The following TRMT1L variants were observed in gnomAD, a reference collection of about 807,000 sequenced individuals.
TRMT1L encodes tRNA methyltransferase 1L.
TRMT1L carries 28 observed loss-of-function variants against 81.6 expected under a neutral mutation model. The observed-to-expected ratio is 0.34, with a 90% CI of 0.25 to 0.47. The LOEUF is 0.47. Ranked by LOEUF, TRMT1L falls within the 20% of genes least tolerant of loss-of-function variation. The probability of loss-of-function intolerance (pLI) is 1.00; values close to 1 mark genes in which losing one functional copy is unlikely to be tolerated. For missense variants in TRMT1L, 739 were observed against 877.1 expected, an observed-to-expected ratio of 0.84 and a Z score of 1.99; for synonymous variants, 301 against 303.2, an observed-to-expected ratio of 0.99 and a Z score of 0.07.
intron 3 of TRMT1L, among the ~76,000 whole-genome samples, chr1:185,149,781 T>C (rs1160310711): frequency 2.0e-5 from 3 of 152,196 alleles, no homozygotes; most frequent in African/African-American, 7.2e-5. Flanking sequence ...AAGTTCTTGT[T>C]TTCTGTCCTT....
intron 3 of TRMT1L, among the ~76,000 whole-genome samples, chr1:185,148,641 T>A (rs535468664): frequency 6.6e-6 from 1 of 152,232 alleles, no homozygotes; most frequent in African/African-American, 2.4e-5. Context: ...GAAAAGAGAA[T>A]AACTTGGAGG....
intron 12 of TRMT1L, 22 bp downstream of exon 12, chr1:185,124,922 A>G: frequency 6.3e-7 from 1 of 1,597,046 alleles, no homozygotes; most frequent in South Asian, 1.1e-5. Context: ...TAAAGCTAGT[A>G]AGCTAGCGTT....
In TRMT1L at chr1:185,119,722, A is replaced by T. The variant is rs1234355263; in HGVS notation, c.*297T>A. The stretch of plus-strand genomic sequence containing the variant: ...GCTTTCATAACATACATAAAATTCC[A>T]AACACTTTGCATGTGAAAATTTTCT... On this transcript the variant is annotated 3_prime_UTR_variant, in exon 15 of 15. Coordinates refer to ENST00000367506, the MANE Select transcript of TRMT1L (RefSeq NM_030934.5). 4.2e-6 allele frequency: 1 copy of T among 237,702 alleles called. No individual in the cohort carries two copies. Among genetic ancestry groups the T allele is most frequent in the Non-Finnish European group, 8.1e-6 (1 of 123,154 alleles). The allele number at this position is 237,702 out of a possible 1,614,324, so 14.7% of individuals were successfully genotyped here. A position where few individuals can be genotyped will look rare whatever the true frequency, so the allele number is the denominator to read the frequency against.
intron 4 of TRMT1L, among the ~76,000 whole-genome samples, chr1:185,146,811 C>T (rs1287295252): frequency 6.6e-6 from 1 of 151,964 alleles, no homozygotes; most frequent in Admixed American, 6.6e-5. Flanking sequence ...TGAATTAAAT[C>T]AAAACATACT....
intron 3 of TRMT1L, 70 bp from the exon 4 acceptor site, chr1:185,147,316 GTTTTA>G (rs538236980): frequency 1.5e-4 from 182 of 1,188,394 alleles, no homozygotes; most frequent in Non-Finnish European, 2.1e-4. Context: ...TTATAAGCAA[GTTTTA>G]TTTTATAAGA....
At chr1:185,147,744 G>A (rs1366043312) in intron 3 of TRMT1L, among the ~76,000 whole-genome samples, 8 of 152,056 alleles carry the variant, frequency 5.3e-5, no homozygotes, top group Admixed American at 5.2e-4. Flanking sequence ...CCATAGGCTT[G>A]GGTGGCTAAG....
chr1:185,134,836 A>C (rs890861247), intron 10 of TRMT1L, among the ~76,000 whole-genome samples: 1 of 152,246 alleles, frequency 6.6e-6, no homozygotes, highest in Non-Finnish European at 1.5e-5. Context: ...CTGAGAGTTA[A>C]ATTTAACCAA....
chr1:185,139,360 T>C lies in TRMT1L; in HGVS notation c.1322+7A>G, dbSNP rs765863460. ...ACACACTAAGTACACTGTTGGCAAT[T>C]TGGTACCTTGCCACTGCAGCTACAA... is the stretch of plus-strand genomic sequence containing the variant. On this transcript the variant is annotated splice_region_variant and intron_variant, in intron 9 of 14. Coordinates refer to ENST00000367506, the MANE Select transcript of TRMT1L (RefSeq NM_030934.5). 9.9e-6 allele frequency: 16 copies of C among 1,609,880 alleles called. No individual in the cohort carries two copies. Among genetic ancestry groups the C allele is most frequent in the Non-Finnish European group, 1.4e-5 (16 of 1,176,904 alleles).
intron 13 of TRMT1L, among the ~76,000 whole-genome samples, chr1:185,121,756 T>G (rs1652504755): frequency 6.6e-6 from 1 of 152,140 alleles, no homozygotes; most frequent in African/African-American, 2.4e-5. Flanking sequence ...TTTTTTTTTT[T>G]GGCCTGGTAA....
intron 3 of TRMT1L, among the ~76,000 whole-genome samples, chr1:185,149,025 CTTTT>C (rs1653261481): frequency 6.6e-6 from 1 of 152,106 alleles, no homozygotes; most frequent in African/African-American, 2.4e-5. Context: ...ACTTAGGTTT[CTTTT>C]GAGGGTGGGA....
intron 3 of TRMT1L, among the ~76,000 whole-genome samples, chr1:185,148,376 C>T (rs936869985): frequency 5.9e-5 from 9 of 152,202 alleles, no homozygotes; most frequent in African/African-American, 1.7e-4. Flanking sequence ...AACTCCATTT[C>T]TCTACTTGCT....
At chr1:185,151,417 T>C (rs534177505) in intron 2 of TRMT1L, among the ~76,000 whole-genome samples, 10 of 151,880 alleles carry the variant, frequency 6.6e-5, no homozygotes, top group Non-Finnish European at 8.8e-5. Context: ...CTAAGGAGAG[T>C]AGAGCAGAAA....
At chr1:185,141,564 C>T (rs552448027) in intron 7 of TRMT1L, among the ~76,000 whole-genome samples, 1 of 152,116 alleles carries the variant, frequency 6.6e-6, no homozygotes, top group South Asian at 2.1e-4. Flanking sequence ...ATCAGCCAGG[C>T]GTGGTGGTAG....
At position 185,119,791 on chromosome 1, in the gene TRMT1L, T is replaced by C; in HGVS notation, c.*228A>G. 2.3e-6 allele frequency: 1 copy of C among 442,222 alleles called. No individual in the cohort carries two copies. The highest frequency in any genetic ancestry group is 3.5e-5 in the East Asian group (1 of 28,840). 27.4% of individuals were successfully genotyped at this position (442,222 alleles called of 1,614,324 possible). A position where few individuals can be genotyped will look rare whatever the true frequency, so the allele number is the denominator to read the frequency against. ...GTGATCTCAGTGAGACTTGGCTTCA[T>C]ATGAAATGTTTCCATTAAAATTTTA... On this transcript the variant is annotated 3_prime_UTR_variant, in exon 15 of 15. Transcript: ENST00000367506.
Position 185,151,825 on chromosome 1 carries a change from C to A in TRMT1L, c.346G>T (p.Gly116Cys). ...AAAAAAAACCCAAACATGGAAATAC[C>A]TGCATCAAGATTATCTGAGTTCAAT... is the stretch of plus-strand genomic sequence containing the variant. ...SSLNSDNLDA[G>C]NRQACPLCPK... Residue 116 changes from glycine to cysteine, a missense_variant and splice_region_variant, in exon 2 of 15, where the codon GGC becomes TGC. This residue lies in a region of TRMT1L where 209 missense variants were observed against 165.4 expected (regional missense o/e 1.26). Coordinates refer to ENST00000367506, the MANE Select transcript of TRMT1L (RefSeq NM_030934.5). 6.5e-7 allele frequency: 1 copy of A among 1,548,362 alleles called. No individual in the cohort carries two copies. The highest frequency in any genetic ancestry group is 8.7e-7 in the Non-Finnish European group (1 of 1,153,458).
At chr1:185,127,831 T>C (rs998443550) in intron 11 of TRMT1L, among the ~76,000 whole-genome samples, 10 of 151,540 alleles carry the variant, frequency 6.6e-5, no homozygotes, top group Admixed American at 3.9e-4. Context: ...TAAAATAATT[T>C]GGCCAGGCGC....
At chr1:185,148,310 C>T (rs773532095) in intron 3 of TRMT1L, among the ~76,000 whole-genome samples, 8 of 152,100 alleles carry the variant, frequency 5.3e-5, no homozygotes, top group Non-Finnish European at 1.2e-4. Flanking sequence ...TTTCTGGTTC[C>T]GGCCTTCTTT....
At chr1:185,140,458 A>G (rs1335257279) in intron 7 of TRMT1L, among the ~76,000 whole-genome samples, 2 of 152,000 alleles carry the variant, frequency 1.3e-5, no homozygotes, top group African/African-American at 4.8e-5. Context: ...TTCAAATAAA[A>G]TCTCTATGTA....
rs1451860265 is a variant in TRMT1L, at chr1:185,150,612, A to T, written c.347-120T>A. 12 of 696,894 alleles carry T rather than the reference A, an allele frequency of 1.7e-5. No individual in the cohort carries two copies. The East Asian group carries it at 3.2e-4, about 19-fold the overall frequency. 43.2% of individuals were successfully genotyped at this position (696,894 alleles called of 1,614,324 possible). A position where few individuals can be genotyped will look rare whatever the true frequency, so the allele number is the denominator to read the frequency against. On this transcript the variant is annotated intron_variant, in intron 2 of 14. Transcript: ENST00000367506. ...ACTTCTTAAAGTCTTTCTTAACTTT[A>T]GGGAGAAGTCATTATTCTTGACCCA...
Sources: gnomAD v4.1 joint callset for allele counts (sites outside exome capture counted in the v4.1 genomes callset) on GRCh38, gnomAD v4.1.1 for gene constraint, gnomAD v4.1.1 regional missense constraint, MANE v1.5 for transcripts, NCBI Gene and HGNC (gene_info 2026-07-23, HGNC 2026-07-21) for gene names.